MEIS2: variants seen among roughly 807,000 people sequenced by gnomAD.
MEIS2 encodes the protein homeobox protein Meis2.
A neutral mutation model predicts 58.6 loss-of-function variants in MEIS2; 9 were observed. That is an observed-to-expected ratio of 0.15 (90% CI 0.09 to 0.27). The LOEUF (loss-of-function observed/expected upper bound fraction) is 0.27. Ranked by LOEUF, MEIS2 falls within the 10% of genes least tolerant of loss-of-function variation. MEIS2 has a pLI of 1.00. For synonymous variants in MEIS2, 221 were observed against 228.4 expected (o/e 0.97, Z 0.29); for missense variants, 427 against 635.0 (o/e 0.67, Z 3.52).
chr15:37,096,453 G>GAC (rs749061478), intron 2 of MEIS2, 23 bp from the exon 3 acceptor site: 2 of 1,609,282 alleles, frequency 1.2e-6, no homozygotes, highest in South Asian at 1.1e-5. Flanking sequence ...GCCACGCAGA[G>GAC]ACACACACAC....
chr15:36,897,859 C>A (rs1436216129), intron 9 of MEIS2: 3 of 152,200 alleles, frequency 2.0e-5, no homozygotes, highest in Non-Finnish European at 2.9e-5. Context: ...CAGGCAGGAA[C>A]TGAAAACTCA....
At chr15:36,896,847 A>G in intron 9 of MEIS2, 161 bp from the exon 10 acceptor site, 2 of 635,970 alleles carry the variant, frequency 3.1e-6, no homozygotes, top group Non-Finnish European at 5.5e-6. Flanking sequence ...AAAATAGTTG[A>G]CTGGGTAATC....
At chr15:37,055,874 T>C (rs1888331636) in intron 7 of MEIS2, among the ~76,000 whole-genome samples, 1 of 152,140 alleles carries the variant, frequency 6.6e-6, no homozygotes. Flanking sequence ...AACACTATTA[T>C]CTCCCGTAGT....
chr15:36,952,832 G>C (rs2058810200), intron 8 of MEIS2, among the ~76,000 whole-genome samples: 1 of 151,856 alleles, frequency 6.6e-6, no homozygotes, highest in Admixed American at 6.6e-5. Flanking sequence ...TTAGTCAAAT[G>C]GCCACAGAAT....
chr15:36,943,447 G>C (rs2058446223), intron 9 of MEIS2, among the ~76,000 whole-genome samples: 1 of 152,058 alleles, frequency 6.6e-6, no homozygotes. Context: ...ATATCAAAAA[G>C]GGTCTACGTT....
chr15:37,098,661 G>T, intron 1 of MEIS2: 1 of 194,042 alleles, frequency 5.2e-6, no homozygotes, highest in Non-Finnish European at 9.5e-6. Context: ...CAACAGAACC[G>T]TAGCGAGCCA....
chr15:37,021,980 GTCCATAACGC>G (rs1272844190), intron 8 of MEIS2, among the ~76,000 whole-genome samples: 2 of 152,006 alleles, frequency 1.3e-5, no homozygotes, highest in Non-Finnish European at 2.9e-5. Context: ...TTACACAGTA[GTCCATAACGC>G]TCCATAACAT....
intron 6 of MEIS2, among the ~76,000 whole-genome samples, chr15:37,084,484 T>C (rs1364149656): frequency 6.6e-6 from 1 of 152,220 alleles, no homozygotes; most frequent in East Asian, 1.9e-4. Context: ...TTAATCACTG[T>C]ATCAATACCT....
intron 8 of MEIS2, among the ~76,000 whole-genome samples, chr15:37,005,648 C>T (rs931434728): frequency 1.1e-4 from 16 of 152,272 alleles, no homozygotes; most frequent in African/African-American, 3.4e-4. Flanking sequence ...CTGCAGCCTC[C>T]GGGCTCAAGA....
chr15:36,959,790 T>G (rs2059119425), intron 8 of MEIS2, among the ~76,000 whole-genome samples: 1 of 152,212 alleles, frequency 6.6e-6, no homozygotes, highest in Non-Finnish European at 1.5e-5. Context: ...GGACTTTTCA[T>G]TAACATTTAA....
chr15:37,036,246 T>C (rs140296162), intron 8 of MEIS2: 32 of 152,342 alleles, frequency 2.1e-4, no homozygotes, highest in African/African-American at 7.0e-4. Context: ...AAAGAATCTT[T>C]AATGTCCACC....
At chr15:36,963,292 A>G (rs1290770777) in intron 8 of MEIS2, among the ~76,000 whole-genome samples, 1 of 152,074 alleles carries the variant, frequency 6.6e-6, no homozygotes, top group Non-Finnish European at 1.5e-5. Context: ...AGGCAGGAGA[A>G]TCGCTTGAAC....
intron 7 of MEIS2, among the ~76,000 whole-genome samples, chr15:37,074,704 T>C (rs763977517): frequency 1.3e-5 from 2 of 152,028 alleles, no homozygotes; most frequent in Admixed American, 6.6e-5. Context: ...TCTCTCTTAA[T>C]ATAAGTGAGA....
intron 7 of MEIS2, among the ~76,000 whole-genome samples, chr15:37,072,886 T>C (rs1283833834): frequency 1.3e-5 from 2 of 151,992 alleles, no homozygotes; most frequent in African/African-American, 4.8e-5. Context: ...CTTCCACAGA[T>C]GTTTCAGACA....
chr15:36,986,619 GGTATCAATCCCAGCA>G (rs1168261712), intron 8 of MEIS2, among the ~76,000 whole-genome samples: 8 of 152,182 alleles, frequency 5.3e-5, no homozygotes, highest in Non-Finnish European at 1.0e-4. Context: ...CAGCTCCTGA[GGTATCAATCCCAGCA>G]CTAGCTGGGT....
At chr15:36,989,561 C>A (rs559023851) in intron 8 of MEIS2, among the ~76,000 whole-genome samples, 2 of 152,236 alleles carry the variant, frequency 1.3e-5, no homozygotes, top group Admixed American at 6.5e-5. Flanking sequence ...TGGTCTCTGC[C>A]CAAGGTTCCT....
chr15:36,947,681 G>A (rs1165815575), intron 9 of MEIS2, among the ~76,000 whole-genome samples: 1 of 151,934 alleles, frequency 6.6e-6, no homozygotes, highest in Non-Finnish European at 1.5e-5. Flanking sequence ...CTCAATCGGA[G>A]AAGTGGGCAT....
At chr15:36,953,192 A>C (rs951880889) in intron 8 of MEIS2, among the ~76,000 whole-genome samples, 3 of 152,148 alleles carry the variant, frequency 2.0e-5, no homozygotes, top group African/African-American at 7.2e-5. Flanking sequence ...TTTTGGATTA[A>C]TTTACAAATA....
At chr15:36,906,397 G>A (rs1269466837) in intron 9 of MEIS2, among the ~76,000 whole-genome samples, 1 of 152,118 alleles carries the variant, frequency 6.6e-6, no homozygotes, top group Non-Finnish European at 1.5e-5. Flanking sequence ...TGAAAAAGAA[G>A]TAGGGTATTT....
Sources: gnomAD v4.1 joint callset for allele counts (sites outside exome capture counted in the v4.1 genomes callset) on GRCh38, gnomAD v4.1.1 for gene constraint, MANE v1.5 for transcripts, NCBI Gene and HGNC (gene_info 2026-07-23, HGNC 2026-07-21) for gene names.